The following SEPTIN9 variants were observed in gnomAD, a reference collection of about 807,000 sequenced individuals.
SEPTIN9 encodes septin-9.
A neutral mutation model predicts 56.6 loss-of-function variants in SEPTIN9; 13 were observed. That is an observed-to-expected ratio of 0.23 (90% CI 0.15 to 0.37). The LOEUF is 0.37. SEPTIN9 is among the 10% of genes least tolerant of loss of function. SEPTIN9 has a pLI of 1.00. For synonymous variants in SEPTIN9, 332 were observed against 334.1 expected (o/e 0.99, Z 0.07); for missense variants, 650 against 823.1 (o/e 0.79, Z 2.57).
At chr17:77,315,168 G>C (rs2032651457) in intron 2 of SEPTIN9, among the ~76,000 whole-genome samples, 1 of 152,214 alleles carries the variant, frequency 6.6e-6, no homozygotes, top group Admixed American at 6.5e-5. Flanking sequence ...GTGTTCTGGG[G>C]CAAGGACAGG....
chr17:77,441,642 A>G (rs2037551275), intron 3 of SEPTIN9, among the ~76,000 whole-genome samples: 1 of 152,236 alleles, frequency 6.6e-6, no homozygotes, highest in East Asian at 1.9e-4. Flanking sequence ...CCACCCAGCC[A>G]TTTAGCCACG....
Position 77,476,020 on chromosome 17 carries a change from G to T in SEPTIN9, c.722-6124G>T. 9.8e-6 allele frequency: 11 copies of T among 1,122,840 alleles called. No homozygotes were observed. The highest frequency in any genetic ancestry group is 1.4e-5 in the Non-Finnish European group (11 of 781,288). 69.6% of individuals were successfully genotyped at this position (1,122,840 alleles called of 1,614,324 possible). A position where few individuals can be genotyped will look rare whatever the true frequency, so the allele number is the denominator to read the frequency against. ...CTGAGCACTTTGTCCTGGGGTGCAG[G>T]CCCGGCTGTCACTCCCCTGGAGCTG... On this transcript the variant is annotated intron_variant, in intron 3 of 11. Coordinates refer to ENST00000427177, the MANE Select transcript of SEPTIN9 (RefSeq NM_001113491.2). The surrounding 1 kb of genome is among the most constrained non-coding windows in gnomAD (Gnocchi z 6.0).
chr17:77,498,563 C>T lies in SEPTIN9; in HGVS notation c.1666C>T (p.His556Tyr). Residue 556 changes from histidine to tyrosine, a missense_variant, in exon 12 of 12, where the codon CAC (histidine) becomes TAC (tyrosine). His to Tyr is a moderately conservative substitution (Grantham distance 83). This residue lies in a region of SEPTIN9 where 333 missense variants were observed against 494.0 expected (regional missense o/e 0.67). Transcript: ENST00000427177. Reference protein sequence around the residue: ...QNIKDITSSIHFEAYRVKRLN... With the variant: ...QNIKDITSSIYFEAYRVKRLN... ...CATCAAGGACATCACCAGCAGCATC[C>T]ACTTCGAGGCGTACCGTGTGAAGCG... The T allele has an allele frequency of 6.3e-7, 1 of 1,588,884 alleles. No individual in the cohort carries two copies. Among genetic ancestry groups the T allele is most frequent in the Non-Finnish European group, 8.6e-7 (1 of 1,168,504 alleles).
rs564942355 is a variant in SEPTIN9 at position 77,341,799 on chromosome 17, A to G, written c.76+34602A>G. Among the ~76,000 whole-genome samples the G allele has an allele frequency of 5.4e-3, 802 of 148,120 alleles. 15 individuals carry two copies. The highest frequency in any genetic ancestry group is 0.018 in the African/African-American group (720 of 40,346). ...GACTCCATCTCAAAAAAAAAAAAAA[A>G]GGGCCGGGCGCAGTGGCTCACGCCT... On this transcript the variant is annotated intron_variant, in intron 2 of 11. Coordinates refer to ENST00000427177, the MANE Select transcript of SEPTIN9 (RefSeq NM_001113491.2).
intron 1 of SEPTIN9, among the ~76,000 whole-genome samples, chr17:77,284,671 C>A (rs2031196547): frequency 6.6e-6 from 1 of 152,142 alleles, no homozygotes; most frequent in African/African-American, 2.4e-5. Flanking sequence ...ACTCTGTCTC[C>A]CAGGCTGGAG....
At position 77,389,098 on chromosome 17, in the gene SEPTIN9, C is replaced by T. The variant is rs532327672; in HGVS notation, c.77-12961C>T. Reference sequence around the variant, plus strand: ...GTCTCCAGGTCCGGGTCCTGGTCCCCGGCAGAGCTTCCCATCCATGGGAAG... The same window carrying T: ...GTCTCCAGGTCCGGGTCCTGGTCCCTGGCAGAGCTTCCCATCCATGGGAAG... On this transcript the variant is annotated intron_variant, in intron 2 of 11. Coordinates refer to ENST00000427177, the MANE Select transcript of SEPTIN9 (RefSeq NM_001113491.2). This position sits in a 1 kb window ranked among gnomAD's most constrained non-coding sequence, Gnocchi z 4.3. Among the ~76,000 whole-genome samples, 6 of 152,220 alleles carry T rather than the reference C, an allele frequency of 3.9e-5. No individual in the cohort carries two copies. The highest frequency in any genetic ancestry group is 4.2e-4 in the South Asian group (2 of 4,818).
intron 2 of SEPTIN9, chr17:77,373,267 C>A: frequency 8.7e-7 from 1 of 1,147,976 alleles, no homozygotes; most frequent in Non-Finnish European, 1.1e-6. Flanking sequence ...GGAACCTGAT[C>A]CGCCCGGGAG....
intron 2 of SEPTIN9, among the ~76,000 whole-genome samples, chr17:77,394,891 G>C (rs8072411): frequency 0.015 from 2,211 of 152,284 alleles, 39 homozygotes; most frequent in African/African-American, 0.051. Flanking sequence ...TGCATCTGGA[G>C]GGTGGCCCAC....
At chr17:77,473,963 C>T (rs1344653130) in intron 3 of SEPTIN9, among the ~76,000 whole-genome samples, 2 of 152,208 alleles carry the variant, frequency 1.3e-5, no homozygotes. Context: ...GAGGTCTGCT[C>T]ACCTCTGCAC....
chr17:77,478,195 C>G (rs2039303404), intron 3 of SEPTIN9, among the ~76,000 whole-genome samples: 1 of 152,086 alleles, frequency 6.6e-6, no homozygotes, highest in Admixed American at 6.5e-5. Flanking sequence ...GAATTCTGTA[C>G]CATCCAGTAT....
In SEPTIN9 at chr17:77,281,503, C is replaced by T; in HGVS notation, c.-33C>T. On this transcript the variant is annotated 5_prime_UTR_variant, in exon 1 of 12. Coordinates refer to ENST00000427177, the MANE Select transcript of SEPTIN9 (RefSeq NM_001113491.2). ...CGCGCGCCCCGCTGCCTCGCCGCCACACTTTCCTGGGAGCGGCGGCCACGG... is the reference window on the plus strand; with the variant it reads ...CGCGCGCCCCGCTGCCTCGCCGCCATACTTTCCTGGGAGCGGCGGCCACGG... The T allele has an allele frequency of 1.3e-6, 2 of 1,546,342 alleles. No homozygotes were observed. Among genetic ancestry groups the T allele is most frequent in the Non-Finnish European group, 1.7e-6 (2 of 1,145,752 alleles).
At chr17:77,320,171 A>G in intron 2 of SEPTIN9, 3 of 1,551,264 alleles carry the variant, frequency 1.9e-6, no homozygotes, top group Non-Finnish European at 1.7e-6. Flanking sequence ...CGTGATTGCA[A>G]CAGATTGAAG....
rs2033139687 is a variant in SEPTIN9, at chr17:77,326,348, G to T, written c.76+19151G>T. ...CCACATCAGTAAACGTGAAACACAG[G>T]AAGTGACAGGTGTGACAAAGGGGAC... is the stretch of plus-strand genomic sequence containing the variant. On this transcript the variant is annotated intron_variant, in intron 2 of 11. Transcript: ENST00000427177. This position sits in a 1 kb window ranked among gnomAD's most constrained non-coding sequence, Gnocchi z 5.1. Among the ~76,000 whole-genome samples the T allele has an allele frequency of 6.6e-6, 1 of 152,164 alleles. No homozygotes were observed. The highest frequency in any genetic ancestry group is 1.5e-5 in the Non-Finnish European group (1 of 68,046).
intron 2 of SEPTIN9, among the ~76,000 whole-genome samples, chr17:77,343,547 A>G (rs567715013): frequency 1.3e-5 from 2 of 152,330 alleles, no homozygotes; most frequent in African/African-American, 4.8e-5. Context: ...TCACTCAAGC[A>G]AATTATTGAA....
intron 2 of SEPTIN9, among the ~76,000 whole-genome samples, chr17:77,386,912 C>T (rs1297892484): frequency 6.6e-6 from 1 of 152,232 alleles, no homozygotes; most frequent in Non-Finnish European, 1.5e-5. Context: ...GGCAGATGAG[C>T]ACTCAGAGGC....
chr17:77,351,507 G>C (rs112646221), intron 2 of SEPTIN9, among the ~76,000 whole-genome samples: 1 of 152,186 alleles, frequency 6.6e-6, no homozygotes, highest in Non-Finnish European at 1.5e-5. Context: ...CACGTCTGCA[G>C]CTCTGGGCAT....
intron 2 of SEPTIN9, among the ~76,000 whole-genome samples, chr17:77,333,368 A>G (rs1186917941): frequency 6.6e-6 from 1 of 152,076 alleles, no homozygotes; most frequent in Non-Finnish European, 1.5e-5. Flanking sequence ...CAAATATTTT[A>G]TTCCAGTCTG....
At chr17:77,485,456 G>A (rs538086437) in intron 4 of SEPTIN9, among the ~76,000 whole-genome samples, 14 of 151,842 alleles carry the variant, frequency 9.2e-5, no homozygotes, top group Admixed American at 3.3e-4. Context: ...TGGTGATGAT[G>A]GCGGGAGTGA....
chr17:77,354,363 T>A (rs1297961038), intron 2 of SEPTIN9, among the ~76,000 whole-genome samples: 1 of 152,188 alleles, frequency 6.6e-6, no homozygotes, highest in Non-Finnish European at 1.5e-5. Flanking sequence ...TTCCCTCTGA[T>A]GTGAGTCAGG....
Sources: gnomAD v4.1 joint callset for allele counts (sites outside exome capture counted in the v4.1 genomes callset) on GRCh38, gnomAD v4.1.1 for gene constraint, gnomAD v4.1.1 regional missense constraint, Gnocchi (gnomAD v3.1) non-coding constraint, MANE v1.5 for transcripts, NCBI Gene and HGNC (gene_info 2026-07-23, HGNC 2026-07-21) for gene names.